Variants in MROH2B observed in about 807,000 individuals in gnomAD.
The protein encoded by MROH2B is maestro heat-like repeat-containing protein family member 2B.
Under a neutral mutation model 208.6 loss-of-function variants are expected in MROH2B, and 177 were observed. The observed-to-expected ratio is 0.85, with a 90% CI of 0.75 to 0.96. MROH2B has a LOEUF of 0.96. Ranked by LOEUF, MROH2B falls within the 40% of genes least tolerant of loss-of-function variation. The pLI is 0.00. For synonymous variants in MROH2B, 728 were observed against 659.0 expected, an observed-to-expected ratio of 1.10 and a Z score of -1.60; for missense variants, 2,002 against 1,878.7, an observed-to-expected ratio of 1.07 and a Z score of -1.21.
chr5:41,067,004 A>C (rs1463752697), intron 3 of MROH2B, 104 bp downstream of exon 3: 8 of 699,392 alleles, frequency 1.1e-5, no homozygotes, highest in Non-Finnish European at 1.8e-5. Context: ...AACAAATACA[A>C]GTGATTTGTG....
intron 37 of MROH2B, among the ~76,000 whole-genome samples, chr5:41,003,427 A>G (rs540553914): frequency 2.0e-5 from 3 of 152,340 alleles, no homozygotes; most frequent in African/African-American, 7.2e-5. Flanking sequence ...TCATATAGTT[A>G]GCATGCCAAA....
At chr5:41,043,774 C>A (rs1743032518) in intron 18 of MROH2B, among the ~76,000 whole-genome samples, 1 of 152,124 alleles carries the variant, frequency 6.6e-6, no homozygotes, top group Non-Finnish European at 1.5e-5. Flanking sequence ...TCTGGGCTGG[C>A]TTTTTGACTT....
chr5:41,042,729 T>C (rs535991238), intron 18 of MROH2B, among the ~76,000 whole-genome samples: 2 of 152,206 alleles, frequency 1.3e-5, no homozygotes, highest in Admixed American at 1.3e-4. Context: ...CTCAGCCTCC[T>C]GAGTAGCTGG....
At position 41,056,803 on chromosome 5, in the gene MROH2B, A is replaced by G. The variant is rs999607932; in HGVS notation, c.919+306T>C. Among the ~76,000 whole-genome samples, 5 of 148,672 alleles carry G rather than the reference A, an allele frequency of 3.4e-5. 1 individual carries two copies. Among genetic ancestry groups the G allele is most frequent in the South Asian group, 2.1e-4 (1 of 4,700 alleles). ...AAAAAAAAAAAAAAAGAAATTTCCTATTTTTAGGATTGTCAACTCACTCCA... is the reference window on the plus strand; with the variant it reads ...AAAAAAAAAAAAAAAGAAATTTCCTGTTTTTAGGATTGTCAACTCACTCCA... On this transcript the variant is annotated intron_variant, in intron 9 of 41. Transcript: ENST00000399564.
Position 41,057,143 on chromosome 5 carries a change from A to T in MROH2B, c.885T>A (p.Asn295Lys). Reference protein sequence around the residue: ...CRAPEPPVKENEMKASSCFLI... With the variant: ...CRAPEPPVKEKEMKASSCFLI... The stretch of plus-strand genomic sequence containing the variant: ...GAAAACAGCTTGAAGCTTTCATTTC[A>T]TTTTCCTTTACTGGAGGCTCTGGAG... The change falls in exon 9 of 42, where the codon AAT becomes AAA. Residue 295 changes from asparagine to lysine, a missense_variant. Transcript: ENST00000399564. The T allele has an allele frequency of 6.2e-7, 1 of 1,613,936 alleles. No individual in the cohort carries two copies. The highest frequency in any genetic ancestry group is 1.1e-5 in the South Asian group (1 of 91,080).
chr5:41,011,381 G>A (rs555893249), intron 30 of MROH2B, among the ~76,000 whole-genome samples: 28 of 152,254 alleles, frequency 1.8e-4, no homozygotes, highest in Non-Finnish European at 2.9e-4. Flanking sequence ...CCTATTGTGT[G>A]AACAACTCTT....
chr5:41,005,771 C>G (rs1741568430), intron 34 of MROH2B, 126 bp from the exon 35 acceptor site: 1 of 788,594 alleles, frequency 1.3e-6, no homozygotes, highest in Non-Finnish European at 2.0e-6. Flanking sequence ...TGGCTCATGC[C>G]TGTAATCCTA....
At chr5:41,008,528 A>C in intron 33 of MROH2B, 78 bp downstream of exon 33, 1 of 1,509,748 alleles carries the variant, frequency 6.6e-7, no homozygotes, top group Non-Finnish European at 9.0e-7. Flanking sequence ...GAAAGCACAG[A>C]CCCTGACTTC....
At chr5:41,064,939 C>A (rs1316523205) in intron 4 of MROH2B, among the ~76,000 whole-genome samples, 2 of 152,084 alleles carry the variant, frequency 1.3e-5, no homozygotes, top group African/African-American at 4.8e-5. Flanking sequence ...TCCTGTATCC[C>A]CAAAGTATAT....
chr5:41,038,466 C>T (rs1159828181), intron 21 of MROH2B, among the ~76,000 whole-genome samples: 2 of 152,180 alleles, frequency 1.3e-5, no homozygotes, highest in Admixed American at 1.3e-4. Flanking sequence ...GTTCTCATTT[C>T]CCAAACATAC....
At position 41,070,865 on chromosome 5, in the gene MROH2B, T is replaced by G; in HGVS notation, c.-13A>C. The G allele has an allele frequency of 1.9e-6, 3 of 1,610,212 alleles. No homozygotes were observed. The South Asian group carries it at 3.3e-5, about 18-fold the overall frequency. ...TACTAAGTGTCATGTCTTGGCTGTT[T>G]CAGGGTCTCTAAAAGATAGCACCTA... On this transcript the variant is annotated 5_prime_UTR_variant, in exon 1 of 42. Transcript: ENST00000399564.
rs771222591 is a variant in MROH2B, at chr5:41,057,115, T to A, written c.913A>T (p.Ile305Phe). Residue 305 changes from isoleucine (I) to phenylalanine (F), a missense_variant, in exon 9 of 42, where the codon ATT (isoleucine) becomes TTT (phenylalanine). Ile to Phe is a conservative substitution (Grantham distance 21). Coordinates refer to ENST00000399564, the MANE Select transcript of MROH2B (RefSeq NM_173489.5). ...TTCTGGATGCTGGTCCTACCTAGAA[T>A]GAGAAAACAGCTTGAAGCTTTCATT... ...NEMKASSCFL[I>F]LAHSNPGELM... 1 of 1,614,018 alleles carries A rather than the reference T, an allele frequency of 6.2e-7. No individual in the cohort carries two copies.
At chr5:41,027,144 T>TA (rs1742393420) in intron 24 of MROH2B, among the ~76,000 whole-genome samples, 1 of 152,134 alleles carries the variant, frequency 6.6e-6, no homozygotes, top group African/African-American at 2.4e-5. Context: ...ACTTCATGTC[T>TA]AAAACACCAA....
chr5:41,031,249 C>A lies in MROH2B; in HGVS notation c.2441+1493G>T, dbSNP rs141138389. Among the ~76,000 whole-genome samples the A allele has an allele frequency of 4.9e-3, 742 of 152,170 alleles. 4 individuals are homozygous for A. Among genetic ancestry groups the A allele is most frequent in the African/African-American group, 0.015 (613 of 41,510 alleles). ...AAGCAGGCACCTCTTCACAATGCAG[C>A]AGAGGAGAGTAAGCATGTGAAGGAG... On this transcript the variant is annotated intron_variant, in intron 24 of 41. Coordinates refer to ENST00000399564, the MANE Select transcript of MROH2B (RefSeq NM_173489.5).
intron 21 of MROH2B, among the ~76,000 whole-genome samples, chr5:41,036,623 A>G (rs75081856): frequency 0.029 from 4,419 of 152,226 alleles, 205 homozygotes; most frequent in African/African-American, 0.1. Flanking sequence ...AGAAAACCAA[A>G]TAAGTGTGAG....
At chr5:41,050,930 A>G (rs1313237895) in intron 13 of MROH2B, 47 bp downstream of exon 13, 4 of 1,244,956 alleles carry the variant, frequency 3.2e-6, no homozygotes, top group Non-Finnish European at 4.5e-6. Context: ...GCTGGGCTTT[A>G]AGAAGGTGAT....
At chr5:41,064,919 A>T (rs968053323) in intron 4 of MROH2B, among the ~76,000 whole-genome samples, 1 of 152,178 alleles carries the variant, frequency 6.6e-6, no homozygotes, top group South Asian at 2.1e-4. Flanking sequence ...AATCTCTCCC[A>T]CCAGATCTTT....
In MROH2B at chr5:41,003,569, G is replaced by C. The variant is rs190260032; in HGVS notation, c.4194+777C>G. Among the ~76,000 whole-genome samples the C allele has an allele frequency of 6.6e-5, 10 of 152,216 alleles. No individual in the cohort carries two copies. The East Asian group carries it at 1.3e-3, about 21-fold the overall frequency. On this transcript the variant is annotated intron_variant, in intron 37 of 41. Coordinates refer to ENST00000399564, the MANE Select transcript of MROH2B (RefSeq NM_173489.5). ...ATTTAGAGTTCCAACTCAGTCACAG[G>C]CTTGCAAAATATTTAATGAGCAGAA...
At chr5:41,029,926 G>T (rs1001669189) in intron 24 of MROH2B, among the ~76,000 whole-genome samples, 1 of 151,680 alleles carries the variant, frequency 6.6e-6, no homozygotes, top group Non-Finnish European at 1.5e-5. Flanking sequence ...ATACAAACCT[G>T]CACATGTACT....
Sources: allele counts gnomAD v4.1 joint callset (sites outside exome capture counted in the v4.1 genomes callset), GRCh38; gene constraint gnomAD v4.1.1; transcripts MANE v1.5; gene names NCBI Gene and HGNC (gene_info 2026-07-23, HGNC 2026-07-21).